Variants in PARG observed in about 807,000 individuals in gnomAD.
PARG encodes the protein poly(ADP-ribose) glycohydrolase.
PARG carries 35 observed loss-of-function variants against 113.0 expected under a neutral mutation model. The observed-to-expected ratio is 0.31, with a 90% CI of 0.24 to 0.41. PARG has a LOEUF of 0.41. Ranked by LOEUF, PARG falls within the 10% of genes least tolerant of loss-of-function variation. The pLI is 1.00. For missense variants in PARG, 797 were observed against 1,169.4 expected, an observed-to-expected ratio of 0.68 and a Z score of 4.64; for synonymous variants, 330 against 409.9, an observed-to-expected ratio of 0.81 and a Z score of 2.36.
At chr10:49,891,385 C>G (rs1349442179) in intron 7 of PARG, among the ~76,000 whole-genome samples, 1 of 151,092 alleles carries the variant, frequency 6.6e-6, no homozygotes, top group Non-Finnish European at 1.5e-5. Flanking sequence ...AGAAATAGCA[C>G]AAGCTGCTCC....
intron 16 of PARG, among the ~76,000 whole-genome samples, chr10:49,826,030 A>C (rs1238914100): frequency 1.3e-4 from 20 of 152,212 alleles, no homozygotes. Context: ...TGCTCCAAAG[A>C]GCATTACCTT....
At chr10:49,845,938 C>T (rs1292488352) in intron 13 of PARG, among the ~76,000 whole-genome samples, 2 of 151,424 alleles carry the variant, frequency 1.3e-5, no homozygotes, top group African/African-American at 4.9e-5. Context: ...AAGATTAACT[C>T]CTTTACTTGT....
chr10:49,855,155 T>C (rs1286191951), intron 13 of PARG, among the ~76,000 whole-genome samples: 11 of 143,218 alleles, frequency 7.7e-5, no homozygotes, highest in African/African-American at 2.4e-4. Flanking sequence ...TATTAATAAA[T>C]AAAGGGATAG....
chr10:49,898,655 T>TACAC (rs781967883), intron 7 of PARG, among the ~76,000 whole-genome samples: 1 of 152,046 alleles, frequency 6.6e-6, no homozygotes. Flanking sequence ...ATATATAACA[T>TACAC]ACACACACAC....
At chr10:49,845,990 C>T (rs1280333302) in intron 13 of PARG, among the ~76,000 whole-genome samples, 3 of 151,088 alleles carry the variant, frequency 2.0e-5, no homozygotes, top group African/African-American at 7.3e-5. Flanking sequence ...CAGCAATACC[C>T]GAATTAGTGT....
chr10:49,836,981 A>G (rs1844968839), intron 15 of PARG, among the ~76,000 whole-genome samples: 1 of 152,104 alleles, frequency 6.6e-6, no homozygotes. Flanking sequence ...TTGCAGTGCT[A>G]TTTGCCACTT....
intron 1 of PARG, 131 bp downstream of exon 1, chr10:49,941,378 C>T: frequency 2.5e-6 from 2 of 815,762 alleles, no homozygotes; most frequent in Middle Eastern, 3.3e-4. Flanking sequence ...TTTGGTAGCT[C>T]AGCAAGTGGA....
intron 13 of PARG, among the ~76,000 whole-genome samples, chr10:49,853,554 ATAAC>A (rs1554834546): frequency 6.6e-6 from 1 of 152,116 alleles, no homozygotes; most frequent in African/African-American, 2.4e-5. Flanking sequence ...TGCATCCATG[ATAAC>A]TAACAAATGC....
At chr10:49,820,315 C>T (rs776004976) in intron 16 of PARG, 22 bp from the exon 17 acceptor site, 56 of 1,530,412 alleles carry the variant, frequency 3.7e-5, no homozygotes, top group Middle Eastern at 1.7e-4. Context: ...AGAAAAGACA[C>T]GGCTATATCA....
chr10:49,859,358 G>C (rs1385277892), intron 12 of PARG, among the ~76,000 whole-genome samples: 1 of 147,924 alleles, frequency 6.8e-6, no homozygotes, highest in Non-Finnish European at 1.5e-5. Flanking sequence ...ATTCAGGCTA[G>C]AGTTTAAAGA....
At chr10:49,858,323 G>A (rs1281293951) in intron 12 of PARG, among the ~76,000 whole-genome samples, 27 of 77,716 alleles carry the variant, frequency 3.5e-4, no homozygotes, top group African/African-American at 1.0e-3. Context: ...ACTATCTGAG[G>A]AGTTAGATCA....
At chr10:49,828,419 C>T (rs1283384277) in intron 16 of PARG, among the ~76,000 whole-genome samples, 1 of 152,212 alleles carries the variant, frequency 6.6e-6, no homozygotes. Context: ...AGAGCTTGCA[C>T]TGGCTCGAAA....
intron 16 of PARG, among the ~76,000 whole-genome samples, chr10:49,831,365 G>A (rs1427845744): frequency 2.0e-5 from 3 of 152,234 alleles, no homozygotes; most frequent in Admixed American, 6.5e-5. Flanking sequence ...CAGCTATTAA[G>A]GCCAGCTGGC....
chr10:49,844,420 C>T (rs1021207842), intron 13 of PARG, among the ~76,000 whole-genome samples: 2 of 151,974 alleles, frequency 1.3e-5, no homozygotes, highest in African/African-American at 2.4e-5. Flanking sequence ...GTCAGAAGTT[C>T]GAGACCAGCT....
At chr10:49,844,390 A>G (rs1845398886) in intron 13 of PARG, among the ~76,000 whole-genome samples, 1 of 152,140 alleles carries the variant, frequency 6.6e-6, no homozygotes, top group South Asian at 2.1e-4. Flanking sequence ...TGGGAGTCCG[A>G]GGCTGGTGGA....
chr10:49,868,567 T>C (rs566024984), intron 10 of PARG, among the ~76,000 whole-genome samples: 42 of 152,206 alleles, frequency 2.8e-4, no homozygotes, highest in African/African-American at 1.0e-3. Flanking sequence ...AAAAGAAGGA[T>C]ATGAGAAAAA....
intron 9 of PARG, among the ~76,000 whole-genome samples, chr10:49,870,008 C>A (rs2664615): frequency 3.9e-5 from 6 of 152,234 alleles, no homozygotes; most frequent in African/African-American, 1.4e-4. Flanking sequence ...GGAATGGGGG[C>A]AGGGACACAG....
At chr10:49,867,029 T>C (rs185450729) in intron 10 of PARG, 1 of 152,202 alleles carries the variant, frequency 6.6e-6, no homozygotes. Context: ...TCACGTTACA[T>C]TTCCGAAACT....
At chr10:49,848,060 G>T (rs549757032) in intron 13 of PARG, among the ~76,000 whole-genome samples, 1 of 152,078 alleles carries the variant, frequency 6.6e-6, no homozygotes, top group Non-Finnish European at 1.5e-5. Context: ...ATAAAAACAC[G>T]TAATATAAGG....
Sources: gnomAD v4.1 joint callset for allele counts (sites outside exome capture counted in the v4.1 genomes callset) on GRCh38, gnomAD v4.1.1 for gene constraint, MANE v1.5 for transcripts, NCBI Gene and HGNC (gene_info 2026-07-23, HGNC 2026-07-21) for gene names.